The following TBC1D8 variants were observed in gnomAD, a reference collection of about 807,000 sequenced individuals.
The protein encoded by TBC1D8 is BUB2-like protein 1.
In TBC1D8, 65 loss-of-function variants were observed where a neutral mutation model predicts 118.8. The observed-to-expected ratio is 0.55, with a 90% CI of 0.45 to 0.67. The LOEUF (loss-of-function observed/expected upper bound fraction) is 0.67. TBC1D8 is among the 30% of genes least tolerant of loss of function. The pLI, the probability that TBC1D8 is intolerant of heterozygous loss-of-function variation, is 0.00. For synonymous variants in TBC1D8, 566 were observed against 595.8 expected, an observed-to-expected ratio of 0.95 and a Z score of 0.73; for missense variants, 1,376 against 1,471.2, an observed-to-expected ratio of 0.94 and a Z score of 1.06.
At chr2:101,043,883 T>C (rs1295391825) in intron 5 of TBC1D8, among the ~76,000 whole-genome samples, 4 of 152,032 alleles carry the variant, frequency 2.6e-5, no homozygotes, top group Non-Finnish European at 4.4e-5. Flanking sequence ...GAGGTTGCAG[T>C]GAGCTGAGAT....
intron 5 of TBC1D8, among the ~76,000 whole-genome samples, chr2:101,041,636 C>T (rs185297384): frequency 8.3e-4 from 127 of 152,108 alleles, no homozygotes; most frequent in African/African-American, 2.9e-3. Context: ...GGTTGCACAA[C>T]TCTGTGAACA....
At chr2:101,052,425 A>G (rs971001340) in intron 4 of TBC1D8, among the ~76,000 whole-genome samples, 2 of 151,874 alleles carry the variant, frequency 1.3e-5, no homozygotes, top group African/African-American at 4.8e-5. Context: ...CATGCAGAAC[A>G]CCTGAAAATC....
intron 2 of TBC1D8, among the ~76,000 whole-genome samples, chr2:101,079,535 C>T (rs1337138071): frequency 2.0e-5 from 3 of 151,144 alleles, no homozygotes; most frequent in Non-Finnish European, 3.0e-5. Flanking sequence ...CCACCACGCC[C>T]GGCTAATTTT....
At chr2:101,149,204 C>T (rs1345790189) in intron 1 of TBC1D8, among the ~76,000 whole-genome samples, 1 of 152,042 alleles carries the variant, frequency 6.6e-6, no homozygotes, top group Non-Finnish European at 1.5e-5. Flanking sequence ...AAGTCCAAAC[C>T]GAAGTAAATA....
intron 17 of TBC1D8, chr2:101,017,872 T>C: frequency 6.4e-7 from 1 of 1,550,956 alleles, no homozygotes. Context: ...TTCAAAACGA[T>C]GATCTCTTCA....
intron 1 of TBC1D8, among the ~76,000 whole-genome samples, chr2:101,148,616 C>T (rs1679417890): frequency 6.6e-6 from 1 of 152,110 alleles, no homozygotes; most frequent in South Asian, 2.1e-4. Context: ...TGAAGTTAGG[C>T]AATTAAGATT....
intron 1 of TBC1D8, among the ~76,000 whole-genome samples, chr2:101,112,229 C>T (rs1048199840): frequency 2.6e-5 from 4 of 152,200 alleles, no homozygotes; most frequent in Non-Finnish European, 4.4e-5. Context: ...CCCTTAGCAT[C>T]ACAGCAGCCA....
chr2:101,040,265 G>A lies in TBC1D8; in HGVS notation c.993C>T (p.Thr331=), dbSNP rs372742155. 73 of 1,613,752 alleles carry A rather than the reference G, an allele frequency of 4.5e-5. No individual in the cohort carries two copies. Among genetic ancestry groups the A allele is most frequent in the Non-Finnish European group, 5.3e-5 (63 of 1,179,810 alleles). The change falls in exon 6 of 20, where the codon ACC becomes ACT. Residue 331 remains threonine (T), a synonymous_variant. Coordinates refer to ENST00000409318, the MANE Select transcript of TBC1D8 (RefSeq NM_001330348.2). ...SLWTPFSRCH[T]TGRMFASDSY... ...TGTCAGAGGCGAACATCCGCCCCGT[G>A]GTGTGACAGCGACTGAACGGCGTCC...
At chr2:101,023,167 C>T (rs1368370281) in intron 15 of TBC1D8, among the ~76,000 whole-genome samples, 52 of 137,572 alleles carry the variant, frequency 3.8e-4, no homozygotes, top group Admixed American at 3.7e-3. Context: ...TTTTTTGAGA[C>T]GGAGTCTCGC....
Position 101,008,256 on chromosome 2 carries a change from GA to G in TBC1D8, c.3032del (p.Phe1011SerfsTer94). 1 of 1,541,968 alleles carries G rather than the reference GA, an allele frequency of 6.5e-7. No homozygotes were observed. The highest frequency in any genetic ancestry group is 1.3e-5 in the South Asian group (1 of 79,734). On this transcript the variant is annotated frameshift_variant, in exon 20 of 20. Coordinates refer to ENST00000409318, the MANE Select transcript of TBC1D8 (RefSeq NM_001330348.2). LOFTEE classifies it low-confidence loss of function (END_TRUNC). ...GGAACATACTGTACAGAGTTTTACA[GA>G]ACTGGATAAATTCTCTCTGAAATTG... ...PKMSQREFIQ[F>X]CKTLYSMFHE... is the part of the protein sequence containing the mutation.
intron 1 of TBC1D8, among the ~76,000 whole-genome samples, chr2:101,146,438 C>G (rs904423850): frequency 1.3e-5 from 2 of 152,156 alleles, no homozygotes; most frequent in African/African-American, 4.8e-5. Context: ...CAAATTACAA[C>G]TTTTAAATTG....
At chr2:101,148,031 T>C (rs1197876540) in intron 1 of TBC1D8, among the ~76,000 whole-genome samples, 3 of 152,224 alleles carry the variant, frequency 2.0e-5, no homozygotes, top group Admixed American at 1.3e-4. Flanking sequence ...ACCTCCCTAG[T>C]AGTGCTCAGA....
chr2:101,037,356 C>T (rs910767248), intron 8 of TBC1D8, among the ~76,000 whole-genome samples, 176 bp downstream of exon 8: 3 of 152,212 alleles, frequency 2.0e-5, no homozygotes, highest in African/African-American at 7.2e-5. Flanking sequence ...GAGAGCAGCC[C>T]CTCAGTCCTC....
intron 5 of TBC1D8, among the ~76,000 whole-genome samples, chr2:101,040,605 G>T (rs1167290880): frequency 6.6e-6 from 1 of 152,204 alleles, no homozygotes; most frequent in Non-Finnish European, 1.5e-5. Flanking sequence ...AAGTAGCTGG[G>T]ATTACAGGGA....
At chr2:101,070,194 T>C (rs758666881) in intron 2 of TBC1D8, among the ~76,000 whole-genome samples, 4 of 151,044 alleles carry the variant, frequency 2.6e-5, no homozygotes, top group Admixed American at 6.6e-5. Flanking sequence ...TGGGATTACA[T>C]GTGTGAGCCA....
rs142205756 is a variant in TBC1D8 at position 101,117,933 on chromosome 2, T to C, written c.128-27569A>G. Reference sequence around the variant, plus strand: ...GAGTGACCTCCTTCTAATTTCTCCATACAGAAGGGGGTGGGAGGACGGCCT... The same window carrying C: ...GAGTGACCTCCTTCTAATTTCTCCACACAGAAGGGGGTGGGAGGACGGCCT... On this transcript the variant is annotated intron_variant, in intron 1 of 19. Coordinates refer to ENST00000409318, the MANE Select transcript of TBC1D8 (RefSeq NM_001330348.2). Among the ~76,000 whole-genome samples, 3 of 143,538 alleles carry C rather than the reference T, an allele frequency of 2.1e-5. No individual in the cohort carries two copies. In the East Asian group the frequency reaches 7.0e-4, roughly 33 times the overall value. The allele number at this position is 143,538 out of a possible 152,430, so 94.2% of individuals were successfully genotyped here.
intron 9 of TBC1D8, 85 bp downstream of exon 9, chr2:101,035,933 T>G: frequency 6.7e-7 from 1 of 1,485,162 alleles, no homozygotes; most frequent in Non-Finnish European, 9.2e-7. Flanking sequence ...CATCTGCACA[T>G]AAACACACGC....
At chr2:101,042,023 T>C (rs1189360585) in intron 5 of TBC1D8, among the ~76,000 whole-genome samples, 3 of 148,068 alleles carry the variant, frequency 2.0e-5, no homozygotes, top group African/African-American at 5.0e-5. Context: ...AGACCCTGAC[T>C]CAAAAAAAAA....
intron 1 of TBC1D8, among the ~76,000 whole-genome samples, chr2:101,140,378 C>T (rs778346440): frequency 9.9e-5 from 15 of 152,150 alleles, no homozygotes; most frequent in Non-Finnish European, 1.8e-4. Context: ...ACACACCCCA[C>T]GCATGCTAGA....
Sources: gnomAD v4.1 joint callset for allele counts (sites outside exome capture counted in the v4.1 genomes callset) on GRCh38, gnomAD v4.1.1 for gene constraint, MANE v1.5 for transcripts, NCBI Gene and HGNC (gene_info 2026-07-23, HGNC 2026-07-21) for gene names.